Variants in EYS observed in about 807,000 individuals in gnomAD.
EYS encodes the protein EGF-like photoreceptor maintenance factor.
Under a neutral mutation model 282.1 loss-of-function variants are expected in EYS, and 250 were observed. The observed-to-expected ratio is 0.89, with a 90% CI of 0.80 to 0.98. The LOEUF (loss-of-function observed/expected upper bound fraction) is 0.98, where lower values mean the gene tolerates loss of function less well. EYS is among the 50% of genes least tolerant of loss of function. The pLI is 0.00. For missense variants in EYS, 4,016 were observed against 3,709.0 expected, an observed-to-expected ratio of 1.08 and a Z score of -2.15; for synonymous variants, 1,355 against 1,282.9, an observed-to-expected ratio of 1.06 and a Z score of -1.20.
chr6:64,406,509 A>T lies in EYS; in HGVS notation c.5928-17669T>A, dbSNP rs575551836. 2.0e-5 allele frequency among the ~76,000 whole-genome samples: 3 copies of T among 152,318 alleles called. No individual in the cohort carries two copies. In the South Asian group the frequency reaches 6.2e-4, roughly 32 times the overall value. Reference sequence around the variant, plus strand: ...CTTCTGCACAGCAAAAGAAACTATCATCAGAGTAAACAGGCCTCCTACAGA... The same window carrying T: ...CTTCTGCACAGCAAAAGAAACTATCTTCAGAGTAAACAGGCCTCCTACAGA... On this transcript the variant is annotated intron_variant, in intron 28 of 42. Transcript: ENST00000503581.
chr6:65,144,102 A>G (rs2150210729), intron 12 of EYS, among the ~76,000 whole-genome samples: 2 of 152,180 alleles, frequency 1.3e-5, no homozygotes, highest in Middle Eastern at 6.8e-3. Flanking sequence ...ACTCCTCTCA[A>G]TGCCTGCTAA....
intron 35 of EYS, among the ~76,000 whole-genome samples, chr6:63,983,715 T>C (rs1465906555): frequency 2.0e-5 from 3 of 151,844 alleles, no homozygotes; most frequent in African/African-American, 7.2e-5. Context: ...TCATTATTTG[T>C]AGCTCCAAAA....
intron 36 of EYS, among the ~76,000 whole-genome samples, chr6:63,811,383 T>A (rs1036176091): frequency 1.3e-5 from 2 of 152,268 alleles, no homozygotes; most frequent in African/African-American, 4.8e-5. Flanking sequence ...TTTTATCTTA[T>A]TCAGTGTCTC....
intron 31 of EYS, among the ~76,000 whole-genome samples, chr6:64,186,574 T>A (rs1180570408): frequency 1.3e-5 from 2 of 152,124 alleles, no homozygotes; most frequent in East Asian, 3.9e-4. Flanking sequence ...CTTAAAAGAA[T>A]ATCACCAGGA....
intron 13 of EYS, among the ~76,000 whole-genome samples, chr6:64,999,045 T>C (rs544882342): frequency 6.6e-5 from 10 of 152,308 alleles, no homozygotes; most frequent in African/African-American, 2.4e-4. Context: ...GGAAACAGAT[T>C]GTTAAAAAAA....
chr6:65,127,041 CA>C (rs1775739206), intron 12 of EYS, among the ~76,000 whole-genome samples: 1 of 151,988 alleles, frequency 6.6e-6, no homozygotes, highest in Non-Finnish European at 1.5e-5. Context: ...AACACTGTGC[CA>C]GGGGAAGCTT....
intron 14 of EYS, among the ~76,000 whole-genome samples, chr6:64,953,067 T>C (rs1470114978): frequency 2.0e-5 from 3 of 151,940 alleles, no homozygotes; most frequent in Non-Finnish European, 4.4e-5. Context: ...AAAGAATTCA[T>C]TTAAATAATT....
At chr6:63,880,410 C>T (rs1006597118) in intron 35 of EYS, among the ~76,000 whole-genome samples, 7 of 151,816 alleles carry the variant, frequency 4.6e-5, no homozygotes, top group African/African-American at 1.7e-4. Context: ...TATTGTGGGA[C>T]CTTGTGATCA....
chr6:64,653,730 A>ATTTTTTTT (rs10680654), intron 22 of EYS, among the ~76,000 whole-genome samples: 11 of 136,908 alleles, frequency 8.0e-5, no homozygotes, highest in African/African-American at 2.7e-4. Flanking sequence ...ATGCCCAGCT[A>ATTTTTTTT]TTTTTTTTTT....
intron 7 of EYS, among the ~76,000 whole-genome samples, chr6:65,393,326 A>T (rs972677634): frequency 6.6e-5 from 10 of 152,188 alleles, no homozygotes; most frequent in African/African-American, 2.2e-4. Context: ...ATATAATTTA[A>T]AAAAATTAGC....
intron 33 of EYS, among the ~76,000 whole-genome samples, chr6:64,054,226 G>A (rs1199414315): frequency 6.6e-6 from 1 of 152,116 alleles, no homozygotes; most frequent in African/African-American, 2.4e-5. Context: ...TACAAGACAT[G>A]AGCATGCTGG....
At position 65,662,502 on chromosome 6, in the gene EYS, A is replaced by C. The variant is rs146854536; in HGVS notation, c.-447-22610T>G. 3.5e-3 allele frequency among the ~76,000 whole-genome samples: 526 copies of C among 152,318 alleles called. 3 individuals are homozygous for C. The highest frequency in any genetic ancestry group is 0.012 in the African/African-American group (486 of 41,580). On this transcript the variant is annotated intron_variant, in intron 1 of 42. Coordinates refer to ENST00000503581, the MANE Select transcript of EYS (RefSeq NM_001142800.2). ...AAGAATTTAGAACAATCTATTTTGC[A>C]TTGTTACATACTTATACAATTGCAA...
At chr6:64,646,317 C>T (rs1206741300) in intron 22 of EYS, among the ~76,000 whole-genome samples, 1 of 152,004 alleles carries the variant, frequency 6.6e-6, no homozygotes, top group East Asian at 1.9e-4. Context: ...TGGTAAAATG[C>T]TTGAGAAAGG....
chr6:64,891,826 A>C (rs770335395), intron 18 of EYS, among the ~76,000 whole-genome samples: 7 of 152,074 alleles, frequency 4.6e-5, no homozygotes, highest in African/African-American at 1.7e-4. Context: ...AATATCTTCT[A>C]TCTTGAGAGA....
rs114663263 is a variant in EYS, at chr6:64,074,946, A to G, written c.6571+6910T>C. ...TACCCTATATTGTACAATAGCTCAC[A>G]CTAACTTGGGTTCAAATCTATCCTT... is the stretch of plus-strand genomic sequence containing the variant. On this transcript the variant is annotated intron_variant, in intron 32 of 42. Coordinates refer to ENST00000503581, the MANE Select transcript of EYS (RefSeq NM_001142800.2). Among the ~76,000 whole-genome samples the G allele has an allele frequency of 2.7e-3, 414 of 152,082 alleles. 2 individuals carry two copies. Among genetic ancestry groups the G allele is most frequent in the African/African-American group, 9.6e-3 (399 of 41,530 alleles).
chr6:65,680,287 T>C (rs2149837988), intron 1 of EYS, among the ~76,000 whole-genome samples: 1 of 152,040 alleles, frequency 6.6e-6, no homozygotes, highest in Admixed American at 6.6e-5. Context: ...TATTCAAAGT[T>C]CCTTAACAAT....
At position 64,837,579 on chromosome 6, in the gene EYS, T is replaced by G. The variant is rs554569677; in HGVS notation, c.2993-14757A>C. 1.9e-3 allele frequency among the ~76,000 whole-genome samples: 283 copies of G among 148,702 alleles called. 1 individual carries two copies. The highest frequency in any genetic ancestry group is 6.6e-3 in the African/African-American group (269 of 40,878). ...GTTTTCAGATGACATATATATATAA[T>G]GATATGTATATGATAGATATATGAT... On this transcript the variant is annotated intron_variant, in intron 19 of 42. Coordinates refer to ENST00000503581, the MANE Select transcript of EYS (RefSeq NM_001142800.2).
At chr6:64,125,157 T>TCTCTCTCTCTCGCGCGCGCGCGCG in intron 31 of EYS, among the ~76,000 whole-genome samples, 1 of 139,330 alleles carries the variant, frequency 7.2e-6, no homozygotes, top group African/African-American at 3.0e-5. Context: ...ACTCTCTGTC[T>TCTCTCTCTCTCGCGCGCGCGCGCG]CTCTCTCTCT....
At chr6:64,083,863 G>A (rs1772057548) in intron 31 of EYS, among the ~76,000 whole-genome samples, 1 of 152,074 alleles carries the variant, frequency 6.6e-6, no homozygotes, top group Admixed American at 6.5e-5. Flanking sequence ...TCAGCCTCCT[G>A]AGTAGCTGGG....
Sources: gnomAD v4.1 joint callset for allele counts (sites outside exome capture counted in the v4.1 genomes callset) on GRCh38, gnomAD v4.1.1 for gene constraint, MANE v1.5 for transcripts, NCBI Gene and HGNC (gene_info 2026-07-23, HGNC 2026-07-21) for gene names.